SLX4IP: variants seen among roughly 807,000 people sequenced by gnomAD.
SLX4IP encodes protein SLX4IP.
Under a neutral mutation model 32.9 loss-of-function variants are expected in SLX4IP, and 34 were observed. The observed-to-expected ratio is 1.03, with a 90% confidence interval of 0.79 to 1.38. SLX4IP has a LOEUF of 1.38. Among genes scored for constraint, SLX4IP ranks in the 40% most tolerant of loss-of-function variants. The probability of loss-of-function intolerance (pLI) is 0.00; values close to 1 mark genes in which losing one functional copy is unlikely to be tolerated. For synonymous variants in SLX4IP, 172 were observed against 171.7 expected (o/e 1.00, Z -0.01); for missense variants, 444 against 479.0 (o/e 0.93, Z 0.68).
intron 4 of SLX4IP, among the ~76,000 whole-genome samples, chr20:10,574,242 C>T (rs151266492): frequency 2.0e-5 from 3 of 152,074 alleles, no homozygotes; most frequent in African/African-American, 4.8e-5. Flanking sequence ...TTCAAAAAAA[C>T]GTGATGTACA....
chr20:10,443,471 G>C (rs1404783104), intron 1 of SLX4IP, among the ~76,000 whole-genome samples: 1 of 152,188 alleles, frequency 6.6e-6, no homozygotes, highest in Non-Finnish European at 1.5e-5. Context: ...TTCATAGAAG[G>C]CTCCAAGAAA....
At chr20:10,600,913 A>G (rs1475016840) in intron 5 of SLX4IP, among the ~76,000 whole-genome samples, 1 of 152,210 alleles carries the variant, frequency 6.6e-6, no homozygotes, top group African/African-American at 2.4e-5. Flanking sequence ...CCCTGTTGGC[A>G]TCAGCTTAGC....
rs1001467877 is a variant in SLX4IP, at chr20:10,581,607, C to A, written c.239-17068C>A. Among the ~76,000 whole-genome samples, 7 of 152,204 alleles carry A rather than the reference C, an allele frequency of 4.6e-5. No individual in the cohort carries two copies. In the South Asian group the frequency reaches 6.2e-4, roughly 14 times the overall value. ...CCAGGTAGAAAAGTCTCACACCATG[C>A]GGACTTTCTAGTAAAACAAAGGGAG... On this transcript the variant is annotated intron_variant, in intron 4 of 7. Transcript: ENST00000334534.
At chr20:10,579,207 G>A (rs897364581) in intron 4 of SLX4IP, among the ~76,000 whole-genome samples, 1 of 151,972 alleles carries the variant, frequency 6.6e-6, no homozygotes, top group African/African-American at 2.4e-5. Flanking sequence ...CTTACATTCA[G>A]GTCTTTGATG....
chr20:10,455,670 C>T (rs1198531728), intron 1 of SLX4IP, among the ~76,000 whole-genome samples: 3 of 151,480 alleles, frequency 2.0e-5, no homozygotes, highest in African/African-American at 4.9e-5. Flanking sequence ...AGTGCAGTGG[C>T]GCAATCTTGC....
intron 2 of SLX4IP, among the ~76,000 whole-genome samples, chr20:10,533,731 C>T (rs2066011885): frequency 6.6e-6 from 1 of 151,622 alleles, no homozygotes; most frequent in Non-Finnish European, 1.5e-5. Context: ...GCCATCCTCC[C>T]ACCTCAGCCT....
chr20:10,458,196 C>T lies in SLX4IP; in HGVS notation c.-9C>T, dbSNP rs369277992. 6.9e-6 allele frequency: 11 copies of T among 1,583,160 alleles called. No individual in the cohort carries two copies. Among genetic ancestry groups the T allele is most frequent in the Non-Finnish European group, 8.5e-6 (10 of 1,170,146 alleles). On this transcript the variant is annotated 5_prime_UTR_variant, in exon 2 of 8. Coordinates refer to ENST00000334534, the MANE Select transcript of SLX4IP (RefSeq NM_001009608.3). ...TAAAGGTCTGTAGTTACTGTGGAAT[C>T]AATAAGCCATGGCATCTAAGAAATT...
chr20:10,581,761 A>AT (rs952009407), intron 4 of SLX4IP, among the ~76,000 whole-genome samples: 3 of 151,690 alleles, frequency 2.0e-5, no homozygotes, highest in Non-Finnish European at 4.4e-5. Flanking sequence ...ACAAAAAAAA[A>AT]TTTTTTTTTA....
At chr20:10,440,627 C>T (rs1050463696) in intron 1 of SLX4IP, among the ~76,000 whole-genome samples, 1 of 152,196 alleles carries the variant, frequency 6.6e-6, no homozygotes, top group African/African-American at 2.4e-5. Context: ...TCCTCCCCAA[C>T]TTCCCTTCTG....
At position 10,458,228 on chromosome 20, in the gene SLX4IP, T is replaced by G. The variant is rs1236073041; in HGVS notation, c.24T>G (p.Val8=). The G allele has an allele frequency of 6.3e-7, 1 of 1,589,830 alleles. No homozygotes were observed. The highest frequency in any genetic ancestry group is 1.4e-5 in the African/African-American group (1 of 73,326). Residue 8 remains valine (V), a synonymous_variant, in exon 2 of 8, where the codon GTT becomes GTG. Coordinates refer to ENST00000334534, the MANE Select transcript of SLX4IP (RefSeq NM_001009608.3). MASKKFA[V]KCGNFAVLVD... is the part of the protein sequence containing the mutation. ...CCATGGCATCTAAGAAATTTGCTGT[T>G]AAAGTAAGTAATGTTTAATAGCTTT... is the stretch of plus-strand genomic sequence containing the variant.
chr20:10,560,564 A>G (rs1004391567), intron 3 of SLX4IP, 136 bp from the exon 4 acceptor site: 4 of 656,488 alleles, frequency 6.1e-6, no homozygotes, highest in Non-Finnish European at 9.3e-6. Context: ...ATGAGCACAT[A>G]TGACATTCCT....
intron 2 of SLX4IP, among the ~76,000 whole-genome samples, chr20:10,498,453 T>G (rs1361648476): frequency 1.3e-5 from 2 of 152,060 alleles, no homozygotes; most frequent in African/African-American, 4.8e-5. Flanking sequence ...CTGCCTCCTG[T>G]GCCCCTGCCA....
chr20:10,540,818 G>A (rs369172960), intron 2 of SLX4IP, among the ~76,000 whole-genome samples: 1 of 152,106 alleles, frequency 6.6e-6, no homozygotes, highest in Non-Finnish European at 1.5e-5. Flanking sequence ...AGAAAAACTC[G>A]GCTCTCACCA....
intron 2 of SLX4IP, among the ~76,000 whole-genome samples, chr20:10,504,473 C>G (rs1038612227): frequency 6.6e-6 from 1 of 152,162 alleles, no homozygotes; most frequent in Non-Finnish European, 1.5e-5. Context: ...TTATTCTGCC[C>G]TTCCAAATGT....
intron 2 of SLX4IP, among the ~76,000 whole-genome samples, chr20:10,501,690 C>T (rs2065720369): frequency 1.3e-5 from 2 of 152,240 alleles, no homozygotes; most frequent in African/African-American, 2.4e-5. Context: ...TGCCAGATGG[C>T]AGGTTTTCCT....
intron 2 of SLX4IP, among the ~76,000 whole-genome samples, chr20:10,502,487 C>A (rs6039992): frequency 7.9e-4 from 120 of 152,298 alleles, no homozygotes; most frequent in African/African-American, 2.8e-3. Flanking sequence ...CTCACATGTC[C>A]CCGCTCACAA....
At chr20:10,509,498 C>T (rs538858638) in intron 2 of SLX4IP, among the ~76,000 whole-genome samples, 3 of 152,136 alleles carry the variant, frequency 2.0e-5, no homozygotes, top group South Asian at 2.1e-4. Context: ...AGTAGAGGGT[C>T]GCTCTCCTGT....
At chr20:10,438,472 GTTTTTTTT>G (rs35297842) in intron 1 of SLX4IP, among the ~76,000 whole-genome samples, 1 of 98,854 alleles carries the variant, frequency 1.0e-5, no homozygotes, top group African/African-American at 4.1e-5. Flanking sequence ...AGGTGTGTGT[GTTTTTTTT>G]TTTTTTTTTT....
intron 6 of SLX4IP, chr20:10,613,580 C>T: frequency 6.2e-7 from 1 of 1,612,810 alleles, no homozygotes; most frequent in East Asian, 2.2e-5. Flanking sequence ...TCAGGCTATC[C>T]ACGCCTTCAT....
Sources: allele counts gnomAD v4.1 joint callset (sites outside exome capture counted in the v4.1 genomes callset), GRCh38; gene constraint gnomAD v4.1.1; transcripts MANE v1.5; gene names NCBI Gene and HGNC (gene_info 2026-07-23, HGNC 2026-07-21).